Variants in COL5A1 observed in about 807,000 individuals in gnomAD.
The protein encoded by COL5A1 is collagen alpha-1(V) chain.
A neutral mutation model predicts 263.7 loss-of-function variants in COL5A1; 16 were observed. The ratio of observed to expected loss-of-function variants is 0.06; its 90% CI spans 0.04 to 0.09. COL5A1 has a LOEUF of 0.09. COL5A1 is among the 10% of genes least tolerant of loss of function. COL5A1 has a pLI of 1.00. For synonymous variants in COL5A1, 1,012 were observed against 1,004.5 expected (o/e 1.01, Z -0.14); for missense variants, 2,036 against 2,540.5 (o/e 0.80, Z 4.27).
At chr9:134,738,629 A>T in intron 10 of COL5A1, 114 bp downstream of exon 10, 1 of 1,548,072 alleles carries the variant, frequency 6.5e-7, no homozygotes. Flanking sequence ...GCTTTTGCAG[A>T]TCCCCTGGGA....
chr9:134,669,375 C>T (rs946558646), intron 1 of COL5A1, among the ~76,000 whole-genome samples: 1 of 148,112 alleles, frequency 6.8e-6, no homozygotes, highest in African/African-American at 2.5e-5. Context: ...TTCATCTACA[C>T]ATCCATTCAT....
intron 26 of COL5A1, 58 bp downstream of exon 26, chr9:134,772,892 C>T: frequency 2.6e-6 from 4 of 1,544,574 alleles, no homozygotes; most frequent in Non-Finnish European, 3.6e-6. Flanking sequence ...GGTCCAGGTG[C>T]TCTGGGCTCA....
At chr9:134,726,148 C>G (rs190998110) in intron 4 of COL5A1, among the ~76,000 whole-genome samples, 11 of 152,168 alleles carry the variant, frequency 7.2e-5, no homozygotes, top group African/African-American at 2.7e-4. Context: ...GGGTCTAGGG[C>G]GGGTGAGAGT....
intron 29 of COL5A1, among the ~76,000 whole-genome samples, chr9:134,783,701 G>A (rs796612542): frequency 2.6e-5 from 4 of 152,242 alleles, no homozygotes; most frequent in Admixed American, 6.5e-5. Flanking sequence ...TTGGCACTTC[G>A]TCCCAACCTG....
Position 134,651,780 on chromosome 9 carries a change from G to T in COL5A1, c.109+9484G>T, listed in dbSNP as rs202111834. ...AGGGGCCCCTGGGGGGACTTTTCTC[G>T]GGTCCTCTGCCTTCCCACCACTGTG... is the stretch of plus-strand genomic sequence containing the variant. On this transcript the variant is annotated intron_variant, in intron 1 of 65. Transcript: ENST00000371817. Among the ~76,000 whole-genome samples the T allele has an allele frequency of 7.9e-5, 12 of 152,314 alleles. No individual in the cohort carries two copies. In the East Asian group the frequency reaches 1.4e-3, roughly 17 times the overall value.
At chr9:134,643,033 T>A (rs1283359432) in intron 1 of COL5A1, among the ~76,000 whole-genome samples, 1 of 152,126 alleles carries the variant, frequency 6.6e-6, no homozygotes, top group East Asian at 1.9e-4. Flanking sequence ...TGTGAGTGGT[T>A]GGGATGATAT....
chr9:134,784,301 T>A (rs1201676252), intron 29 of COL5A1, among the ~76,000 whole-genome samples: 4 of 152,230 alleles, frequency 2.6e-5, no homozygotes, highest in African/African-American at 9.6e-5. Flanking sequence ...TTACAGCTGC[T>A]CTTAGAGACA....
At chr9:134,805,643 C>T (rs1350933635) in intron 41 of COL5A1, among the ~76,000 whole-genome samples, 2 of 152,178 alleles carry the variant, frequency 1.3e-5, no homozygotes, top group Non-Finnish European at 2.9e-5. Flanking sequence ...GGATGGCCCT[C>T]ACGATTAGGC....
intron 9 of COL5A1, among the ~76,000 whole-genome samples, chr9:134,735,497 A>G (rs1423472509): frequency 6.6e-6 from 1 of 152,156 alleles, no homozygotes; most frequent in African/African-American, 2.4e-5. Context: ...GAGCGGGGCC[A>G]CAGCTTGCCT....
intron 11 of COL5A1, among the ~76,000 whole-genome samples, chr9:134,746,074 C>G (rs552667875): frequency 6.6e-6 from 1 of 152,210 alleles, no homozygotes; most frequent in South Asian, 2.1e-4. Context: ...GGCACAGTCA[C>G]GTGTTTCAGG....
intron 1 of COL5A1, among the ~76,000 whole-genome samples, chr9:134,664,213 A>C (rs910661660): frequency 2.0e-5 from 3 of 152,234 alleles, no homozygotes; most frequent in Admixed American, 6.5e-5. Flanking sequence ...ACCAAAATGC[A>C]TTCCAGATGG....
At chr9:134,692,337 C>T (rs564623211) in intron 2 of COL5A1, among the ~76,000 whole-genome samples, 7 of 152,144 alleles carry the variant, frequency 4.6e-5, no homozygotes, top group African/African-American at 9.7e-5. Context: ...AGCCTGTCCC[C>T]GCAAAGGACT....
Position 134,757,471 on chromosome 9 carries a change from G to C in COL5A1, c.1881+653G>C, listed in dbSNP as rs551390816. ...CTGGGGACAGCAGCTGTGATTTGGA[G>C]ATTGGAGACCGGGCACCAAAAAAAT... On this transcript the variant is annotated intron_variant, in intron 17 of 65. Transcript: ENST00000371817. This position sits in a 1 kb window ranked among gnomAD's most constrained non-coding sequence, Gnocchi z 6.2. 2.4e-4 allele frequency among the ~76,000 whole-genome samples: 36 copies of C among 152,292 alleles called. No homozygotes were observed. Among genetic ancestry groups the C allele is most frequent in the African/African-American group, 8.2e-4 (34 of 41,556 alleles).
intron 22 of COL5A1, 49 bp downstream of exon 22, chr9:134,766,547 G>T: frequency 1.3e-6 from 2 of 1,578,884 alleles, no homozygotes; most frequent in Non-Finnish European, 1.7e-6. Context: ...CTTTCCCTGG[G>T]CACACTCCTT....
rs1295758859 is a variant in COL5A1 at position 134,844,794 on chromosome 9, T to TTAAC, written c.*2493_*2496dup. On this transcript the variant is annotated 3_prime_UTR_variant, in exon 66 of 66. Transcript: ENST00000371817. ...CTAAACTTGTGTAACAAAGGAATAA[T>TTAAC]TAACTGTAATAGTTTTTCAATAAAT... 1.3e-5 allele frequency: 2 copies of TTAAC among 152,270 alleles called. No homozygotes were observed. The highest frequency in any genetic ancestry group is 4.8e-5 in the African/African-American group (2 of 41,474). 9.4% of individuals were successfully genotyped at this position (152,270 alleles called of 1,614,324 possible).
At chr9:134,654,110 G>T (rs1302386991) in intron 1 of COL5A1, among the ~76,000 whole-genome samples, 3 of 131,830 alleles carry the variant, frequency 2.3e-5, no homozygotes, top group Non-Finnish European at 3.2e-5. Flanking sequence ...CTGGGAGTGT[G>T]TAGGGCTTAG....
At chr9:134,790,441 T>G (rs1201925096) in intron 32 of COL5A1, among the ~76,000 whole-genome samples, 2 of 78,186 alleles carry the variant, frequency 2.6e-5, no homozygotes, top group South Asian at 5.8e-4. Context: ...CATCCATCCA[T>G]CCACCCACTC....
At chr9:134,803,094 C>T (rs1425099189) in intron 39 of COL5A1, 99 bp downstream of exon 39, 17 of 960,964 alleles carry the variant, frequency 1.8e-5, no homozygotes, top group South Asian at 5.6e-5. Context: ...ATGGGTAATT[C>T]GTCAAACAGA....
chr9:134,683,416 C>T (rs1832919458), intron 1 of COL5A1, among the ~76,000 whole-genome samples: 3 of 152,190 alleles, frequency 2.0e-5, no homozygotes, highest in Admixed American at 2.0e-4. Context: ...AGGCCCACAC[C>T]ACTGCACCCA....
Sources: gnomAD v4.1 joint callset for allele counts (sites outside exome capture counted in the v4.1 genomes callset) on GRCh38, gnomAD v4.1.1 for gene constraint, Gnocchi (gnomAD v3.1) non-coding constraint, MANE v1.5 for transcripts, NCBI Gene and HGNC (gene_info 2026-07-23, HGNC 2026-07-21) for gene names.